The following GLRA3 variants were observed in gnomAD, a reference collection of about 807,000 sequenced individuals.
GLRA3 encodes glycine receptor alpha 3.
A neutral mutation model predicts 60.4 loss-of-function variants in GLRA3; 44 were observed. The ratio of observed to expected loss-of-function variants is 0.73; its 90% CI spans 0.57 to 0.94. The LOEUF is 0.94. Among genes scored for constraint, GLRA3 ranks in the 40% least tolerant of loss-of-function variants. The pLI is 0.00. For synonymous variants in GLRA3, 223 were observed against 192.9 expected (o/e 1.16, Z -1.29); for missense variants, 508 against 564.6 (o/e 0.90, Z 1.02).
chr4:174,761,301 A>G (rs940895634), intron 3 of GLRA3, among the ~76,000 whole-genome samples: 2 of 152,142 alleles, frequency 1.3e-5, no homozygotes, highest in Admixed American at 6.5e-5. Context: ...TCTCTCGAGA[A>G]TCTAACGACT....
At chr4:174,737,564 A>C (rs1426028261) in intron 3 of GLRA3, among the ~76,000 whole-genome samples, 1 of 151,806 alleles carries the variant, frequency 6.6e-6, no homozygotes, top group Non-Finnish European at 1.5e-5. Flanking sequence ...CCCAGGCTGG[A>C]GTGCAGTGGC....
chr4:174,765,265 T>G (rs755676054), intron 3 of GLRA3, among the ~76,000 whole-genome samples: 22 of 152,190 alleles, frequency 1.4e-4, no homozygotes, highest in Non-Finnish European at 2.5e-4. Context: ...GGTAGACTGA[T>G]GAATTATGTC....
intron 4 of GLRA3, among the ~76,000 whole-genome samples, chr4:174,727,452 C>T (rs1460733204): frequency 1.3e-5 from 2 of 152,132 alleles, no homozygotes; most frequent in African/African-American, 4.8e-5. Context: ...CCTTTTAAAA[C>T]ATGATACTGG....
chr4:174,670,364 G>T (rs767840168), intron 7 of GLRA3, among the ~76,000 whole-genome samples: 7 of 152,108 alleles, frequency 4.6e-5, no homozygotes, highest in Non-Finnish European at 1.0e-4. Context: ...GAATCATGGA[G>T]ACAGATAAAG....
chr4:174,650,757 T>C (rs1732995640), intron 9 of GLRA3, among the ~76,000 whole-genome samples: 1 of 152,180 alleles, frequency 6.6e-6, no homozygotes, highest in Admixed American at 6.5e-5. Context: ...TGTGTGACAA[T>C]GGGCCAATGA....
chr4:174,671,455 T>A (rs1464446778), intron 7 of GLRA3, among the ~76,000 whole-genome samples: 2 of 152,156 alleles, frequency 1.3e-5, no homozygotes, highest in South Asian at 4.1e-4. Context: ...TATAAATCCT[T>A]CATTTTTCTT....
intron 3 of GLRA3, among the ~76,000 whole-genome samples, chr4:174,751,303 ATT>A (rs1737477330): frequency 6.6e-6 from 1 of 152,102 alleles, no homozygotes; most frequent in Non-Finnish European, 1.5e-5. Context: ...TTTGAGAACA[ATT>A]TTATCAAATA....
chr4:174,797,446 T>G (rs962155818), intron 1 of GLRA3, among the ~76,000 whole-genome samples: 2 of 152,220 alleles, frequency 1.3e-5, no homozygotes, highest in African/African-American at 4.8e-5. Context: ...TTAACTTTTC[T>G]TGGGAACTCT....
intron 5 of GLRA3, among the ~76,000 whole-genome samples, chr4:174,711,936 T>C (rs1295395078): frequency 6.6e-6 from 1 of 152,184 alleles, no homozygotes. Context: ...GGTCTTAATA[T>C]TTGTTAACAT....
At chr4:174,666,814 A>G (rs371798460) in intron 7 of GLRA3, among the ~76,000 whole-genome samples, 7 of 148,662 alleles carry the variant, frequency 4.7e-5, no homozygotes, top group African/African-American at 1.7e-4. Context: ...CATCTTGGTT[A>G]TTAAACACAG....
chr4:174,732,566 T>C (rs1178736276), intron 3 of GLRA3, among the ~76,000 whole-genome samples: 2 of 151,980 alleles, frequency 1.3e-5, no homozygotes, highest in African/African-American at 2.4e-5. Flanking sequence ...CCAATTCAAA[T>C]ATCCATTGGC....
At chr4:174,667,130 G>T (rs10013313) in intron 7 of GLRA3, among the ~76,000 whole-genome samples, 13,704 of 152,062 alleles carry the variant, frequency 0.09, 917 homozygotes, top group African/African-American at 0.17. Context: ...TCTCACATTT[G>T]GTCATAAATG....
intron 3 of GLRA3, among the ~76,000 whole-genome samples, chr4:174,761,263 C>A (rs1442076249): frequency 6.6e-6 from 1 of 151,964 alleles, no homozygotes; most frequent in South Asian, 2.1e-4. Context: ...TAGATAATAT[C>A]ATTTTTTATG....
chr4:174,666,017 A>T (rs757735808), intron 7 of GLRA3, among the ~76,000 whole-genome samples: 1 of 152,184 alleles, frequency 6.6e-6, no homozygotes, highest in South Asian at 2.1e-4. Flanking sequence ...TTAAGGCCAC[A>T]TGGCTACCAA....
intron 8 of GLRA3, among the ~76,000 whole-genome samples, chr4:174,657,784 T>C (rs1579397435): frequency 6.6e-6 from 1 of 152,170 alleles, no homozygotes; most frequent in Non-Finnish European, 1.5e-5. Context: ...TATGTTTCAG[T>C]GTACAAAAGA....
chr4:174,796,924 T>C lies in GLRA3; in HGVS notation c.72-7981A>G, dbSNP rs537453198. ...ACTTTAATATATTTCTCCTAAAACT[T>C]TCTTCTTATTACAGTAATATCTGAG... On this transcript the variant is annotated intron_variant, in intron 1 of 9. Transcript: ENST00000274093. Among the ~76,000 whole-genome samples, 719 of 152,202 alleles carry C rather than the reference T, an allele frequency of 4.7e-3. 5 individuals are homozygous for C. The highest frequency in any genetic ancestry group is 0.017 in the African/African-American group (687 of 41,522).
intron 5 of GLRA3, among the ~76,000 whole-genome samples, chr4:174,689,698 C>T (rs1038292671): frequency 2.2e-5 from 3 of 134,520 alleles, no homozygotes; most frequent in Non-Finnish European, 3.1e-5. Flanking sequence ...TCTAGGCTAA[C>T]CTTGAATGTA....
rs763341401 is a variant in GLRA3, at chr4:174,682,850, A to G, written c.664T>C (p.Leu222=). The change falls in exon 6 of 10, where the codon TTG becomes CTG. Residue 222 remains leucine, a synonymous_variant. Coordinates refer to ENST00000274093, the MANE Select transcript of GLRA3 (RefSeq NM_006529.4). ...TATCGTAAATCTTTTTCTTCTTTCA[A>G]CAGAAACTGGGGCAAAGTGAGTCCT... The part of the protein sequence containing the change: ...AEGLTLPQFL[L]KEEKDLRYCT... 6.2e-7 allele frequency: 1 copy of G among 1,613,138 alleles called. No homozygotes were observed. The highest frequency in any genetic ancestry group is 1.7e-5 in the Admixed American group (1 of 60,014).
intron 5 of GLRA3, among the ~76,000 whole-genome samples, chr4:174,686,996 C>T (rs1260247877): frequency 6.6e-6 from 1 of 152,086 alleles, no homozygotes; most frequent in Non-Finnish European, 1.5e-5. Flanking sequence ...TACCAGGATC[C>T]TTTCATGGAA....
Sources: allele counts gnomAD v4.1 joint callset (sites outside exome capture counted in the v4.1 genomes callset), GRCh38; gene constraint gnomAD v4.1.1; transcripts MANE v1.5; gene names NCBI Gene and HGNC (gene_info 2026-07-23, HGNC 2026-07-21).